PEAK1: variants seen among roughly 807,000 people sequenced by gnomAD.
PEAK1 encodes the protein inactive tyrosine-protein kinase PEAK1.
Under a neutral mutation model 124.7 loss-of-function variants are expected in PEAK1, and 54 were observed. That is an observed-to-expected ratio of 0.43 (90% CI 0.35 to 0.54). The LOEUF (loss-of-function observed/expected upper bound fraction) is 0.54. Ranked by LOEUF, PEAK1 falls within the 20% of genes least tolerant of loss-of-function variation. The pLI is 0.01. For synonymous variants in PEAK1, 719 were observed against 760.0 expected, an observed-to-expected ratio of 0.95 and a Z score of 0.89; for missense variants, 2,046 against 2,134.5, an observed-to-expected ratio of 0.96 and a Z score of 0.82.
At chr15:77,203,673 G>C (rs2058482036) in intron 6 of PEAK1, among the ~76,000 whole-genome samples, 1 of 149,716 alleles carries the variant, frequency 6.7e-6, no homozygotes, top group Non-Finnish European at 1.5e-5. Context: ...AGAAAGCATA[G>C]CCTTTTTCAC....
At position 77,108,186 on chromosome 15, in the gene PEAK1, T is replaced by C. The variant is rs184629934; in HGVS notation, c.*5970A>G. The C allele has an allele frequency of 9.2e-5, 14 of 152,312 alleles. No individual in the cohort carries two copies. Among genetic ancestry groups the C allele is most frequent in the Admixed American group, 9.1e-4 (14 of 15,308 alleles). The allele number at this position is 152,312 out of a possible 1,614,324, so 9.4% of individuals were successfully genotyped here. On this transcript the variant is annotated 3_prime_UTR_variant, in exon 10 of 10. Coordinates refer to ENST00000682557, the MANE Select transcript of PEAK1 (RefSeq NM_001385026.1). ...TTTAGTGTGTATTAAAATGAATTTA[T>C]TTACACAGTAACATGATGCCACGGA...
chr15:77,256,315 T>C (rs2152930681), intron 5 of PEAK1, among the ~76,000 whole-genome samples: 1 of 152,228 alleles, frequency 6.6e-6, no homozygotes, highest in South Asian at 2.1e-4. Flanking sequence ...TTCAAACCTT[T>C]GACACTATAT....
chr15:77,411,871 A>G (rs2072443973), intron 1 of PEAK1, among the ~76,000 whole-genome samples: 1 of 152,162 alleles, frequency 6.6e-6, no homozygotes, highest in Admixed American at 6.5e-5. Flanking sequence ...CTCATCCTCC[A>G]AAAGAGCTGA....
chr15:77,380,493 T>C (rs940618827), intron 1 of PEAK1, among the ~76,000 whole-genome samples: 2 of 152,174 alleles, frequency 1.3e-5, no homozygotes, highest in African/African-American at 2.4e-5. Context: ...TTTTTGAATT[T>C]TTTGAGACAG....
intron 2 of PEAK1, among the ~76,000 whole-genome samples, chr15:77,313,443 CAA>C (rs2064603577): frequency 6.6e-6 from 1 of 151,860 alleles, no homozygotes; most frequent in South Asian, 2.1e-4. Flanking sequence ...AGGCTGTGCA[CAA>C]AGACTTCCTT....
rs1259023191 is a variant in PEAK1, at chr15:77,246,537, T to C, written c.-115+5830A>G. Among the ~76,000 whole-genome samples, 5 of 152,064 alleles carry C rather than the reference T, an allele frequency of 3.3e-5. No homozygotes were observed. In the South Asian group the frequency reaches 8.3e-4, roughly 25 times the overall value. ...CACAAACCAAAAAACAACTCCAATA[T>C]TGACTCTTCCAATAGTTGAGCACAA... On this transcript the variant is annotated intron_variant, in intron 6 of 9. Transcript: ENST00000682557.
chr15:77,235,560 A>T (rs989230976), intron 6 of PEAK1, among the ~76,000 whole-genome samples: 1 of 152,322 alleles, frequency 6.6e-6, no homozygotes, highest in East Asian at 1.9e-4. Context: ...GAAGAAGCAG[A>T]GCATAAAGGT....
At chr15:77,407,914 C>CACACATAT (rs2071978916) in intron 1 of PEAK1, among the ~76,000 whole-genome samples, 2 of 128,084 alleles carry the variant, frequency 1.6e-5, no homozygotes, top group Non-Finnish European at 3.6e-5. Flanking sequence ...CATATATATA[C>CACACATAT]ACATATATAC....
At chr15:77,284,061 G>A in intron 4 of PEAK1, 31 bp from the exon 5 acceptor site, 1 of 983,130 alleles carries the variant, frequency 1.0e-6, no homozygotes, top group Non-Finnish European at 1.2e-6. Context: ...AAACTTGGTT[G>A]AGAGTCACAG....
chr15:77,191,075 AT>A lies in PEAK1; in HGVS notation c.-114-9036del, dbSNP rs925188427. On this transcript the variant is annotated intron_variant, in intron 6 of 9. Transcript: ENST00000682557. ...ACGTCAACACTGACAGAGCACAGTT[AT>A]TTTTTTCAGTTAAAAGGAGGTCTAT... is the stretch of plus-strand genomic sequence containing the variant. 1.9e-4 allele frequency among the ~76,000 whole-genome samples: 29 copies of A among 152,150 alleles called. 1 individual carries two copies. The highest frequency in any genetic ancestry group is 1.9e-3 in the Admixed American group (29 of 15,262).
chr15:77,259,480 T>C (rs1214727232), intron 5 of PEAK1, among the ~76,000 whole-genome samples: 1 of 152,172 alleles, frequency 6.6e-6, no homozygotes, highest in African/African-American at 2.4e-5. Flanking sequence ...ATAGTTCCCA[T>C]AGCAGACACA....
intron 2 of PEAK1, among the ~76,000 whole-genome samples, chr15:77,345,003 T>G (rs1371359703): frequency 6.6e-6 from 1 of 152,248 alleles, no homozygotes; most frequent in Non-Finnish European, 1.5e-5. Flanking sequence ...ATAATTTTAC[T>G]TCTTCCTTTC....
At chr15:77,277,405 A>G (rs994844867) in intron 5 of PEAK1, among the ~76,000 whole-genome samples, 1 of 151,376 alleles carries the variant, frequency 6.6e-6, no homozygotes, top group African/African-American at 2.4e-5. Context: ...TGGTTACATG[A>G]ATCTACACAT....
chr15:77,221,724 C>A (rs2059400616), intron 6 of PEAK1, among the ~76,000 whole-genome samples: 1 of 152,042 alleles, frequency 6.6e-6, no homozygotes, highest in Non-Finnish European at 1.5e-5. Flanking sequence ...CCATTATAGC[C>A]TATATGCTTG....
At chr15:77,296,456 T>C (rs1443843407) in intron 2 of PEAK1, among the ~76,000 whole-genome samples, 1 of 151,252 alleles carries the variant, frequency 6.6e-6, no homozygotes, top group Non-Finnish European at 1.5e-5. Context: ...CTACTAAAAA[T>C]ATAAAAAATT....
intron 9 of PEAK1, among the ~76,000 whole-genome samples, chr15:77,121,927 A>T (rs1375439834): frequency 6.6e-6 from 1 of 152,214 alleles, no homozygotes; most frequent in East Asian, 1.9e-4. Flanking sequence ...TACAACTGCA[A>T]ATGGGAGTGA....
rs767505048 is a variant in PEAK1, at chr15:77,158,604, G to T, written c.3230C>A (p.Thr1077Lys). The change falls in exon 8 of 10, where the codon ACA (threonine) becomes AAA (lysine). Residue 1077 changes from threonine to lysine, a missense_variant. By Grantham distance (78) the Thr-to-Lys change is moderately conservative. Coordinates refer to ENST00000682557, the MANE Select transcript of PEAK1 (RefSeq NM_001385026.1). ...KQDGRGCTSV[T>K]TALSLPELER... ...CAGTTCAGGTAGGGACAATGCTGTTGTGACTGAAGTGCAGCCCCTGCCATC... is the reference window on the plus strand; with the variant it reads ...CAGTTCAGGTAGGGACAATGCTGTTTTGACTGAAGTGCAGCCCCTGCCATC... 2 of 1,614,068 alleles carry T rather than the reference G, an allele frequency of 1.2e-6. No homozygotes were observed. Among genetic ancestry groups the T allele is most frequent in the Non-Finnish European group, 1.7e-6 (2 of 1,179,944 alleles).
intron 6 of PEAK1, among the ~76,000 whole-genome samples, chr15:77,225,546 A>C (rs1424907764): frequency 6.6e-6 from 1 of 150,896 alleles, no homozygotes; most frequent in African/African-American, 2.4e-5. Context: ...TCTGCTTAAA[A>C]ATAGTTGTGA....
chr15:77,326,751 GTCTATATTCTTGATACTAT>G (rs1247578467), intron 2 of PEAK1, among the ~76,000 whole-genome samples: 2 of 152,032 alleles, frequency 1.3e-5, no homozygotes, highest in Non-Finnish European at 2.9e-5. Flanking sequence ...ATTAATCAGG[GTCTATATTCTTGATACTAT>G]TCTATTTAGG....
Sources: gnomAD v4.1 joint callset for allele counts (sites outside exome capture counted in the v4.1 genomes callset) on GRCh38, gnomAD v4.1.1 for gene constraint, MANE v1.5 for transcripts, NCBI Gene and HGNC (gene_info 2026-07-23, HGNC 2026-07-21) for gene names.